The following SLC39A11 variants were observed in gnomAD, a reference collection of about 807,000 sequenced individuals.
SLC39A11 encodes zinc transporter ZIP11.
A neutral mutation model predicts 36.1 loss-of-function variants in SLC39A11; 33 were observed. That is an observed-to-expected ratio of 0.91 (90% CI 0.69 to 1.22). The LOEUF (loss-of-function observed/expected upper bound fraction) is 1.22. SLC39A11 is among the 50% of genes most tolerant of loss of function. The pLI, the probability that SLC39A11 is intolerant of heterozygous loss-of-function variation, is 0.00. For missense variants in SLC39A11, 432 were observed against 430.3 expected, an observed-to-expected ratio of 1.00 and a Z score of -0.03; for synonymous variants, 166 against 170.3, an observed-to-expected ratio of 0.97 and a Z score of 0.20.
rs151242698 is a variant in SLC39A11, at chr17:72,816,188, G to A, written c.601+33446C>T. Among the ~76,000 whole-genome samples, 390 of 152,292 alleles carry A rather than the reference G, an allele frequency of 2.6e-3. 3 individuals carry two copies. The highest frequency in any genetic ancestry group is 3.5e-3 in the Non-Finnish European group (238 of 68,024). On this transcript the variant is annotated intron_variant, in intron 6 of 9. Transcript: ENST00000255559. Reference sequence around the variant, plus strand: ...GAAGGTGGTTGCCCAGTTGTAGAGTGTCCTTTCAGCTCCATGACTATATTC... The same window carrying A: ...GAAGGTGGTTGCCCAGTTGTAGAGTATCCTTTCAGCTCCATGACTATATTC...
chr17:73,032,441 A>T (rs535446931), intron 3 of SLC39A11, among the ~76,000 whole-genome samples: 1 of 152,250 alleles, frequency 6.6e-6, no homozygotes, highest in East Asian at 1.9e-4. Flanking sequence ...TCTTGAACTC[A>T]GGTGACCCAC....
intron 5 of SLC39A11, among the ~76,000 whole-genome samples, chr17:72,944,624 T>C (rs1178957363): frequency 1.3e-5 from 2 of 152,228 alleles, no homozygotes; most frequent in African/African-American, 2.4e-5. Flanking sequence ...AGCCCAGACA[T>C]AAAGAACTCC....
chr17:72,899,443 G>A (rs1413130425), intron 5 of SLC39A11, among the ~76,000 whole-genome samples: 1 of 152,062 alleles, frequency 6.6e-6, no homozygotes, highest in African/African-American at 2.4e-5. Flanking sequence ...ATCATCATTT[G>A]AAGTGGGGAG....
At chr17:72,809,413 T>A (rs1053790753) in intron 6 of SLC39A11, among the ~76,000 whole-genome samples, 16 of 152,170 alleles carry the variant, frequency 1.1e-4, no homozygotes, top group African/African-American at 3.6e-4. Context: ...CCATCCTGTT[T>A]GCGATCCCAT....
intron 6 of SLC39A11, among the ~76,000 whole-genome samples, chr17:72,826,817 A>C (rs192996826): frequency 1.6e-4 from 24 of 152,322 alleles, no homozygotes; most frequent in Non-Finnish European, 3.2e-4. Context: ...TACAACCACT[A>C]GGATGGCTAT....
chr17:72,748,104 C>A (rs966421944), intron 6 of SLC39A11, among the ~76,000 whole-genome samples: 20 of 152,234 alleles, frequency 1.3e-4, no homozygotes, highest in African/African-American at 4.6e-4. Context: ...GGTGGATCAC[C>A]TGAGGTCAGG....
chr17:72,761,051 C>A (rs1353755203), intron 6 of SLC39A11, among the ~76,000 whole-genome samples: 4 of 152,220 alleles, frequency 2.6e-5, no homozygotes. Flanking sequence ...CAGCAGAGTG[C>A]ACGCCCCAGC....
intron 7 of SLC39A11, among the ~76,000 whole-genome samples, chr17:72,702,699 G>A (rs1424900709): frequency 2.0e-5 from 3 of 152,094 alleles, no homozygotes; most frequent in Non-Finnish European, 4.4e-5. Flanking sequence ...CACTTTGGGA[G>A]GCTGAGGCGG....
At chr17:72,767,960 T>G (rs2075811645) in intron 6 of SLC39A11, among the ~76,000 whole-genome samples, 3 of 152,144 alleles carry the variant, frequency 2.0e-5, no homozygotes, top group Admixed American at 2.0e-4. Flanking sequence ...TATGCGTTTT[T>G]TTCAAAGGCA....
chr17:73,037,719 C>T (rs1162713789), intron 3 of SLC39A11, among the ~76,000 whole-genome samples: 1 of 152,240 alleles, frequency 6.6e-6, no homozygotes, highest in Non-Finnish European at 1.5e-5. Context: ...TCAGCTTCAA[C>T]ACACATGGCA....
intron 1 of SLC39A11, among the ~76,000 whole-genome samples, chr17:73,091,183 C>A (rs1024964800): frequency 3.3e-5 from 5 of 152,122 alleles, no homozygotes; most frequent in African/African-American, 1.2e-4. Context: ...ATCCCAGCAC[C>A]TTGGGAGGCC....
At chr17:72,850,730 T>C (rs1316912300) in intron 5 of SLC39A11, among the ~76,000 whole-genome samples, 1 of 152,210 alleles carries the variant, frequency 6.6e-6, no homozygotes, top group Non-Finnish European at 1.5e-5. Flanking sequence ...GCATTACCTA[T>C]GTCACAAGCG....
chr17:73,065,359 C>T (rs1256552058), intron 3 of SLC39A11, among the ~76,000 whole-genome samples: 2 of 152,102 alleles, frequency 1.3e-5, no homozygotes, highest in East Asian at 1.9e-4. Context: ...GAGCTGAGAT[C>T]GCACCACTAC....
chr17:72,921,064 T>TGGTTGGTTG (rs981717992), intron 5 of SLC39A11, among the ~76,000 whole-genome samples: 10 of 152,188 alleles, frequency 6.6e-5, no homozygotes, highest in Admixed American at 5.2e-4. Context: ...TTTGTTCGGT[T>TGGTTGGTTG]GGTTGGTTGA....
At chr17:73,023,019 T>C (rs932615977) in intron 4 of SLC39A11, among the ~76,000 whole-genome samples, 3 of 152,226 alleles carry the variant, frequency 2.0e-5, no homozygotes, top group Non-Finnish European at 4.4e-5. Context: ...ACCGCTTCCA[T>C]TACTGCAAGC....
chr17:72,796,751 C>T (rs548602590), intron 6 of SLC39A11, among the ~76,000 whole-genome samples: 1 of 152,284 alleles, frequency 6.6e-6, no homozygotes, highest in African/African-American at 2.4e-5. Context: ...GTGCAATTCT[C>T]CCACCTCAGC....
intron 5 of SLC39A11, among the ~76,000 whole-genome samples, chr17:72,857,345 G>C (rs941005038): frequency 2.6e-5 from 4 of 152,068 alleles, no homozygotes; most frequent in African/African-American, 9.7e-5. Flanking sequence ...AGTATTCCAT[G>C]GTATATATGT....
At chr17:72,717,984 G>C (rs2073479527) in intron 7 of SLC39A11, among the ~76,000 whole-genome samples, 2 of 152,270 alleles carry the variant, frequency 1.3e-5, no homozygotes, top group Non-Finnish European at 1.5e-5. Flanking sequence ...CACTGGCAAG[G>C]GTTATGGTTC....
intron 7 of SLC39A11, among the ~76,000 whole-genome samples, chr17:72,718,815 T>C (rs1332711353): frequency 1.3e-5 from 2 of 152,190 alleles, no homozygotes; most frequent in African/African-American, 2.4e-5. Context: ...AGGAAGTTTA[T>C]TCGTGGGCTT....
Sources: allele counts gnomAD v4.1 joint callset (sites outside exome capture counted in the v4.1 genomes callset), GRCh38; gene constraint gnomAD v4.1.1; transcripts MANE v1.5; gene names NCBI Gene and HGNC (gene_info 2026-07-23, HGNC 2026-07-21).